Variants in CCDC85A observed in about 807,000 individuals in gnomAD.
The protein encoded by CCDC85A is coiled-coil domain containing 85A.
In CCDC85A, 38 loss-of-function variants were observed where a neutral mutation model predicts 50.2. The observed-to-expected ratio is 0.76, with a 90% confidence interval of 0.58 to 0.99. CCDC85A has a LOEUF of 0.99. Ranked by LOEUF, CCDC85A falls within the 50% of genes least tolerant of loss-of-function variation. CCDC85A has a pLI of 0.00. For missense variants in CCDC85A, 820 were observed against 742.0 expected (o/e 1.11, Z -1.22); for synonymous variants, 366 against 301.4 (o/e 1.21, Z -2.22).
Position 56,211,477 on chromosome 2 carries a change from A to G in CCDC85A, c.1240+18037A>G, listed in dbSNP as rs192240135. ...ATTTTTAAAACATCCTGTGGGTGTT[A>G]TCACTATCATTGTAACTAATGGAAT... On this transcript the variant is annotated intron_variant, in intron 2 of 5. Coordinates refer to ENST00000407595, the MANE Select transcript of CCDC85A (RefSeq NM_001080433.2). Among the ~76,000 whole-genome samples, 22 of 152,178 alleles carry G rather than the reference A, an allele frequency of 1.4e-4. No homozygotes were observed. The East Asian group carries it at 3.3e-3, about 23-fold the overall frequency.
In CCDC85A at chr2:56,192,284, G is replaced by C. The variant is rs1676330192; in HGVS notation, c.277-193G>C. Among the ~76,000 whole-genome samples the C allele has an allele frequency of 6.6e-6, 1 of 152,098 alleles. No individual in the cohort carries two copies. Among genetic ancestry groups the C allele is most frequent in the East Asian group, 1.9e-4 (1 of 5,192 alleles). On this transcript the variant is annotated intron_variant, in intron 1 of 5. Coordinates refer to ENST00000407595, the MANE Select transcript of CCDC85A (RefSeq NM_001080433.2). This position sits in a 1 kb window ranked among gnomAD's most constrained non-coding sequence, Gnocchi z 4.7. ...ATAATGCAAGTAAAGTATTGTGCAG[G>C]GATAGAACTGATACTTAAGTTAGTT... is the stretch of plus-strand genomic sequence containing the variant.
At chr2:56,187,892 G>A (rs1289556582) in intron 1 of CCDC85A, among the ~76,000 whole-genome samples, 1 of 152,148 alleles carries the variant, frequency 6.6e-6, no homozygotes, top group African/African-American at 2.4e-5. Flanking sequence ...GGGCTGATTC[G>A]GGATGAATCT....
intron 2 of CCDC85A, among the ~76,000 whole-genome samples, chr2:56,297,508 G>A (rs1455500684): frequency 6.6e-6 from 1 of 151,330 alleles, no homozygotes; most frequent in Non-Finnish European, 1.5e-5. Context: ...TGGAACATTT[G>A]TGATTTAGCT....
chr2:56,204,884 A>G lies in CCDC85A; in HGVS notation c.1240+11444A>G, dbSNP rs143973008. On this transcript the variant is annotated intron_variant, in intron 2 of 5. Transcript: ENST00000407595. ...ACATCCTCTTTGAAGCACCACAGTG[A>G]TGAGTCTGAACACCTCTCGGCAAAC... is the stretch of plus-strand genomic sequence containing the variant. Among the ~76,000 whole-genome samples, 154 of 152,322 alleles carry G rather than the reference A, an allele frequency of 1.0e-3. 3 individuals are homozygous for G. The East Asian group carries it at 0.029, about 29-fold the overall frequency.
At chr2:56,233,576 T>C (rs537939606) in intron 2 of CCDC85A, among the ~76,000 whole-genome samples, 1 of 152,276 alleles carries the variant, frequency 6.6e-6, no homozygotes, top group East Asian at 1.9e-4. Context: ...TATACTGAAA[T>C]TGGAATTTTA....
At chr2:56,287,593 T>C (rs1425986033) in intron 2 of CCDC85A, among the ~76,000 whole-genome samples, 1 of 152,206 alleles carries the variant, frequency 6.6e-6, no homozygotes, top group African/African-American at 2.4e-5. Flanking sequence ...ACATTCTTTG[T>C]GGAATGCATA....
chr2:56,262,361 A>C (rs1232133895), intron 2 of CCDC85A, among the ~76,000 whole-genome samples: 1 of 152,208 alleles, frequency 6.6e-6, no homozygotes, highest in Admixed American at 6.5e-5. Context: ...AGGTTCATGC[A>C]TAAAGACTCA....
intron 2 of CCDC85A, among the ~76,000 whole-genome samples, chr2:56,238,589 T>C (rs1239823943): frequency 6.6e-6 from 1 of 152,190 alleles, no homozygotes; most frequent in Non-Finnish European, 1.5e-5. Flanking sequence ...ATTTAGAATA[T>C]AAAAACCATC....
intron 3 of CCDC85A, among the ~76,000 whole-genome samples, chr2:56,363,361 T>G (rs2104373593): frequency 6.6e-6 from 1 of 152,316 alleles, no homozygotes; most frequent in South Asian, 2.1e-4. Flanking sequence ...TGTAAACATT[T>G]AAGCATAAGA....
Position 56,192,246 on chromosome 2 carries a change from A to G in CCDC85A, c.277-231A>G, listed in dbSNP as rs898026317. 4.6e-5 allele frequency among the ~76,000 whole-genome samples: 7 copies of G among 152,098 alleles called. No individual in the cohort carries two copies. Among genetic ancestry groups the G allele is most frequent in the Non-Finnish European group, 8.8e-5 (6 of 68,036 alleles). ...TTATTATCCCCTAAATGTTTGGGTA[A>G]AAATTAGATGACATAATGCAAGTAA... On this transcript the variant is annotated intron_variant, in intron 1 of 5. Coordinates refer to ENST00000407595, the MANE Select transcript of CCDC85A (RefSeq NM_001080433.2). This position sits in a 1 kb window ranked among gnomAD's most constrained non-coding sequence, Gnocchi z 4.7.
chr2:56,373,743 T>C (rs1031343785), intron 4 of CCDC85A, among the ~76,000 whole-genome samples: 2 of 152,194 alleles, frequency 1.3e-5, no homozygotes, highest in African/African-American at 4.8e-5. Flanking sequence ...ACTGCAATGG[T>C]GGGTCCTAAA....
chr2:56,204,835 C>T (rs547882541), intron 2 of CCDC85A, among the ~76,000 whole-genome samples: 1 of 152,334 alleles, frequency 6.6e-6, no homozygotes, highest in African/African-American at 2.4e-5. Context: ...TGCAGCAATT[C>T]ATCTAGCAAT....
intron 2 of CCDC85A, among the ~76,000 whole-genome samples, chr2:56,198,605 A>G (rs1676618205): frequency 6.6e-6 from 1 of 152,228 alleles, no homozygotes; most frequent in South Asian, 2.1e-4. Flanking sequence ...AATATTGAAA[A>G]TATAGTTTGT....
chr2:56,307,859 G>A (rs1672513565), intron 2 of CCDC85A, among the ~76,000 whole-genome samples: 1 of 152,208 alleles, frequency 6.6e-6, no homozygotes, highest in African/African-American at 2.4e-5. Context: ...ATAGGACTGA[G>A]TGCTTCGAGC....
intron 5 of CCDC85A, among the ~76,000 whole-genome samples, chr2:56,377,597 C>G (rs1676394155): frequency 6.6e-6 from 1 of 152,126 alleles, no homozygotes; most frequent in Admixed American, 6.6e-5. Context: ...GGAAGAGCTC[C>G]TCAATTTTCT....
intron 2 of CCDC85A, among the ~76,000 whole-genome samples, chr2:56,336,687 C>T (rs9808416): frequency 0.2 from 29,800 of 151,920 alleles, 4,070 homozygotes; most frequent in African/African-American, 0.39. Flanking sequence ...GTAACACTGC[C>T]TTAGAAACAA....
chr2:56,191,420 C>T (rs1301934437), intron 1 of CCDC85A, among the ~76,000 whole-genome samples: 1 of 152,200 alleles, frequency 6.6e-6, no homozygotes, highest in African/African-American at 2.4e-5. Context: ...AGTGAATCAT[C>T]ACTCATGCAG....
Position 56,184,544 on chromosome 2 carries a change from G to C in CCDC85A, c.-81G>C. 7.5e-7 allele frequency: 1 copy of C among 1,339,066 alleles called. No individual in the cohort carries two copies. The highest frequency in any genetic ancestry group is 9.5e-7 in the Non-Finnish European group (1 of 1,048,000). The allele number at this position is 1,339,066 out of a possible 1,614,324, so 82.9% of individuals were successfully genotyped here. ...CGCCGGAGCGCACAGGGGTGTGGGC[G>C]GAGGCGGCCTCGCCGCGCCCGCGCC... On this transcript the variant is annotated 5_prime_UTR_variant, in exon 1 of 6. Transcript: ENST00000407595.
At chr2:56,309,923 T>C (rs756631482) in intron 2 of CCDC85A, among the ~76,000 whole-genome samples, 31 of 152,312 alleles carry the variant, frequency 2.0e-4, no homozygotes, top group Non-Finnish European at 4.0e-4. Context: ...ATGTGCACTT[T>C]GCCCGAGAGA....
Sources: allele counts gnomAD v4.1 joint callset (sites outside exome capture counted in the v4.1 genomes callset), GRCh38; gene constraint gnomAD v4.1.1; non-coding constraint Gnocchi (gnomAD v3.1); transcripts MANE v1.5; gene names NCBI Gene and HGNC (gene_info 2026-07-23, HGNC 2026-07-21).